Variants in SSPN observed in about 807,000 individuals in gnomAD.
SSPN encodes sarcospan.
SSPN carries 15 observed loss-of-function variants against 19.1 expected under a neutral mutation model. The observed-to-expected ratio is 0.78, with a 90% confidence interval of 0.52 to 1.21. The LOEUF is 1.21. Among genes scored for constraint, SSPN ranks in the 50% most tolerant of loss-of-function variants. The probability of loss-of-function intolerance (pLI) is 0.00; values close to 1 mark genes in which losing one functional copy is unlikely to be tolerated. For missense variants in SSPN, 291 were observed against 314.0 expected (o/e 0.93, Z 0.55); for synonymous variants, 147 against 140.3 (o/e 1.05, Z -0.34).
intron 1 of SSPN, among the ~76,000 whole-genome samples, chr12:26,183,229 G>A (rs774807932): frequency 1.6e-4 from 25 of 152,144 alleles, no homozygotes; most frequent in Non-Finnish European, 3.5e-4. Context: ...ATAACCCCTT[G>A]TACTTTTAGA....
At chr12:26,185,184 C>T (rs1944744894) in intron 1 of SSPN, among the ~76,000 whole-genome samples, 1 of 152,178 alleles carries the variant, frequency 6.6e-6, no homozygotes, top group Admixed American at 6.5e-5. Context: ...TCAGTATGGG[C>T]TGCCTGTATA....
In SSPN at chr12:26,232,540, ATACAC is replaced by A. The variant is rs1945244658; in HGVS notation, c.*1466_*1470del. ...ATTCGCCTCTCCGCATTGCCTATTGATACACTTTACTAATCATGAAATTCTAACCT... is the reference window on the plus strand; with the variant it reads ...ATTCGCCTCTCCGCATTGCCTATTGATTTACTAATCATGAAATTCTAACCT... On this transcript the variant is annotated 3_prime_UTR_variant, in exon 3 of 3. Coordinates refer to ENST00000242729, the MANE Select transcript of SSPN (RefSeq NM_005086.5). 1 of 985,288 alleles carries A rather than the reference ATACAC, an allele frequency of 1.0e-6. No individual in the cohort carries two copies. The highest frequency in any genetic ancestry group is 4.7e-5 in the South Asian group (1 of 21,290). The allele number at this position is 985,288 out of a possible 1,614,324, so 61.0% of individuals were successfully genotyped here.
chr12:26,164,999 C>T (rs983713008), intron 1 of SSPN, among the ~76,000 whole-genome samples: 8 of 152,120 alleles, frequency 5.3e-5, no homozygotes, highest in African/African-American at 1.9e-4. Flanking sequence ...AGAGAAATGA[C>T]TATTTTCTTT....
At chr12:26,126,758 G>C (rs1944368772) in intron 1 of SSPN, 2 of 152,428 alleles carry the variant, frequency 1.3e-5, no homozygotes, top group African/African-American at 2.4e-5. Flanking sequence ...CCGGCGTGAG[G>C]AGACGCTCGC....
chr12:26,170,804 T>A (rs752819484), intron 1 of SSPN, among the ~76,000 whole-genome samples: 28 of 152,220 alleles, frequency 1.8e-4, no homozygotes, highest in Non-Finnish European at 2.6e-4. Flanking sequence ...GCTTAGCAGT[T>A]GAATGGGGGA....
At chr12:26,191,246 G>A (rs1944785732), upstream of SSPN, among the ~76,000 whole-genome samples, 2 of 151,996 alleles carry the variant, frequency 1.3e-5, no homozygotes. Flanking sequence ...GAAAAATTTG[G>A]TATTATAAAA....
intron 1 of SSPN, among the ~76,000 whole-genome samples, chr12:26,201,029 A>ATTATATATATATATAATATATATATAT (rs1387308576): frequency 6.2e-4 from 24 of 38,626 alleles, no homozygotes; most frequent in African/African-American, 2.6e-3. Flanking sequence ...ATATATATAT[A>ATTATATATATATATAATATATATATAT]TATATATATA....
chr12:26,212,850 G>A (rs528789163), intron 1 of SSPN, among the ~76,000 whole-genome samples: 1 of 151,848 alleles, frequency 6.6e-6, no homozygotes, highest in African/African-American at 2.4e-5. Flanking sequence ...TAGATAAAAT[G>A]AAGAAAAAAC....
At chr12:26,134,432 T>G (rs574943492) in intron 1 of SSPN, among the ~76,000 whole-genome samples, 1 of 152,258 alleles carries the variant, frequency 6.6e-6, no homozygotes, top group Non-Finnish European at 1.5e-5. Flanking sequence ...AAGACTCATA[T>G]GACTTTTCAG....
intron 1 of SSPN, among the ~76,000 whole-genome samples, chr12:26,129,100 G>A (rs570303657): frequency 6.6e-6 from 1 of 152,252 alleles, no homozygotes; most frequent in South Asian, 2.1e-4. Flanking sequence ...TAACTCCAGG[G>A]TGTTTTAGGA....
At chr12:26,210,567 G>A (rs1289333530) in intron 1 of SSPN, among the ~76,000 whole-genome samples, 2 of 151,440 alleles carry the variant, frequency 1.3e-5, no homozygotes, top group African/African-American at 4.9e-5. Context: ...TATTGAAATA[G>A]CCAGGTTTTG....
At chr12:26,159,474 C>T (rs1944575089) in intron 1 of SSPN, among the ~76,000 whole-genome samples, 1 of 152,200 alleles carries the variant, frequency 6.6e-6, no homozygotes, top group Non-Finnish European at 1.5e-5. Context: ...GGGTTGTGTG[C>T]ACTCAGATGA....
intron 1 of SSPN, among the ~76,000 whole-genome samples, chr12:26,185,499 G>T (rs1944747814): frequency 6.6e-6 from 1 of 152,160 alleles, no homozygotes; most frequent in African/African-American, 2.4e-5. Flanking sequence ...ACAGCACCTT[G>T]TACTGGTCTG....
At chr12:26,207,256 C>A (rs1309939786) in intron 1 of SSPN, among the ~76,000 whole-genome samples, 1 of 152,078 alleles carries the variant, frequency 6.6e-6, no homozygotes, top group Non-Finnish European at 1.5e-5. Context: ...TAATTCTGTG[C>A]AATTCTATGC....
intron 1 of SSPN, among the ~76,000 whole-genome samples, chr12:26,196,441 A>G (rs1420691920): frequency 3.3e-5 from 5 of 152,216 alleles, no homozygotes; most frequent in African/African-American, 9.6e-5. Context: ...AGGCTCCATT[A>G]GTAAGTTTCC....
intron 2 of SSPN, among the ~76,000 whole-genome samples, chr12:26,228,326 G>C (rs1029852507): frequency 6.6e-6 from 1 of 150,878 alleles, no homozygotes; most frequent in South Asian, 2.1e-4. Context: ...TTCAACCCAG[G>C]AGGCAGAAGT....
At chr12:26,149,275 G>C (rs1048272650) in intron 1 of SSPN, among the ~76,000 whole-genome samples, 1 of 152,118 alleles carries the variant, frequency 6.6e-6, no homozygotes, top group African/African-American at 2.4e-5. Context: ...CCTTGTATTT[G>C]TATACATCTA....
chr12:26,192,604 T>C (rs1944796083), upstream of SSPN, among the ~76,000 whole-genome samples: 2 of 152,236 alleles, frequency 1.3e-5, no homozygotes, highest in Admixed American at 1.3e-4. Context: ...TATCATCTTA[T>C]GTTATTACCA....
intron 1 of SSPN, among the ~76,000 whole-genome samples, chr12:26,202,889 CTA>C (rs1318311900): frequency 6.6e-6 from 1 of 152,164 alleles, no homozygotes; most frequent in African/African-American, 2.4e-5. Context: ...CTACGTGAGA[CTA>C]ATTTATAAAG....
Sources: gnomAD v4.1 joint callset for allele counts (sites outside exome capture counted in the v4.1 genomes callset) on GRCh38, gnomAD v4.1.1 for gene constraint, MANE v1.5 for transcripts, NCBI Gene and HGNC (gene_info 2026-07-23, HGNC 2026-07-21) for gene names.